The following TFEB variants were observed in gnomAD, a reference collection of about 807,000 sequenced individuals.
The protein encoded by TFEB is transcription factor EB.
Under a neutral mutation model 48.0 loss-of-function variants are expected in TFEB, and 12 were observed. The ratio of observed to expected loss-of-function variants is 0.25; its 90% CI spans 0.16 to 0.40. The LOEUF (loss-of-function observed/expected upper bound fraction) is 0.40. Ranked by LOEUF, TFEB falls within the 10% of genes least tolerant of loss-of-function variation. The pLI is 1.00. For missense variants in TFEB, 509 were observed against 640.3 expected, an observed-to-expected ratio of 0.79 and a Z score of 2.21; for synonymous variants, 244 against 261.4, an observed-to-expected ratio of 0.93 and a Z score of 0.64.
Position 41,723,451 on chromosome 6 carries a change from G to A in TFEB, c.-23+11899C>T, listed in dbSNP as rs1581931025. ...CACACTCACACACATGCACGCGTGT[G>A]CTCTCATACCTTCGAGAGGGCAGCC... On this transcript the variant is annotated intron_variant, in intron 1 of 8. Transcript: ENST00000373033. The surrounding 1 kb of genome is among the most constrained non-coding windows in gnomAD (Gnocchi z 6.0). 2 of 1,269,500 alleles carry A rather than the reference G, an allele frequency of 1.6e-6. No homozygotes were observed. The highest frequency in any genetic ancestry group is 5.6e-5 in the East Asian group (1 of 17,960). 78.6% of individuals were successfully genotyped at this position (1,269,500 alleles called of 1,614,324 possible).
Position 41,684,501 on chromosome 6 carries a change from C to T in TFEB, c.*98G>A, listed in dbSNP as rs1768880655. 2.1e-6 allele frequency: 3 copies of T among 1,415,114 alleles called. No homozygotes were observed. The highest frequency in any genetic ancestry group is 5.7e-5 in the Admixed American group (2 of 35,078). 87.7% of individuals were successfully genotyped at this position (1,415,114 alleles called of 1,614,324 possible). A position where few individuals can be genotyped will look rare whatever the true frequency, so the allele number is the denominator to read the frequency against. On this transcript the variant is annotated 3_prime_UTR_variant, in exon 9 of 9. Coordinates refer to ENST00000373033, the MANE Select transcript of TFEB (RefSeq NM_001271944.2). Reference sequence around the variant, plus strand: ...AGGAGGGAGGCAGGGCAGGTGGCTACTTCACACACAGTGCAGCCTGAAGGG... The same window carrying T: ...AGGAGGGAGGCAGGGCAGGTGGCTATTTCACACACAGTGCAGCCTGAAGGG...
chr6:41,726,016 G>A (rs1771192444), intron 1 of TFEB, among the ~76,000 whole-genome samples: 1 of 152,364 alleles, frequency 6.6e-6, no homozygotes, highest in South Asian at 2.1e-4. Flanking sequence ...GGCCGAGGTA[G>A]GAGAATCGCT....
chr6:41,699,345 T>C (rs1053164465), intron 1 of TFEB, among the ~76,000 whole-genome samples: 1 of 152,192 alleles, frequency 6.6e-6, no homozygotes, highest in African/African-American at 2.4e-5. Context: ...AAGTGTCCCA[T>C]CCATTCACCC....
intron 1 of TFEB, among the ~76,000 whole-genome samples, chr6:41,714,382 T>C (rs930856934): frequency 1.7e-4 from 26 of 152,196 alleles, no homozygotes; most frequent in African/African-American, 6.0e-4. Flanking sequence ...ATTGGGGAAG[T>C]GTCTTTGTTC....
chr6:41,726,130 G>T (rs1223374781), intron 1 of TFEB, among the ~76,000 whole-genome samples: 1 of 152,046 alleles, frequency 6.6e-6, no homozygotes, highest in East Asian at 1.9e-4. Context: ...ATAATAAAAA[G>T]AAAAGAAAGA....
chr6:41,714,132 C>CGT (rs1770611035), intron 1 of TFEB, among the ~76,000 whole-genome samples: 1 of 118,718 alleles, frequency 8.4e-6, no homozygotes, highest in Admixed American at 8.2e-5. Context: ...TGTGCGTGTG[C>CGT]ATGTGTGCGT....
chr6:41,695,996 G>A (rs1769560023), intron 1 of TFEB, among the ~76,000 whole-genome samples: 1 of 152,208 alleles, frequency 6.6e-6, no homozygotes, highest in Non-Finnish European at 1.5e-5. Context: ...CCCTGGGTGA[G>A]GACACCGAGT....
intron 1 of TFEB, among the ~76,000 whole-genome samples, chr6:41,719,389 A>G (rs1188630511): frequency 6.6e-6 from 1 of 152,252 alleles, no homozygotes; most frequent in Non-Finnish European, 1.5e-5. Flanking sequence ...CCATCCATCC[A>G]TGGAAAAACT....
rs1771144032 is a variant in TFEB at position 41,724,989 on chromosome 6, C to A, written c.-23+10361G>T. Among the ~76,000 whole-genome samples, 1 of 152,222 alleles carries A rather than the reference C, an allele frequency of 6.6e-6. No homozygotes were observed. The highest frequency in any genetic ancestry group is 1.5e-5 in the Non-Finnish European group (1 of 68,030). On this transcript the variant is annotated intron_variant, in intron 1 of 8. Coordinates refer to ENST00000373033, the MANE Select transcript of TFEB (RefSeq NM_001271944.2). The surrounding 1 kb of genome is among the most constrained non-coding windows in gnomAD (Gnocchi z 4.4). ...CCACAAGGCCCCTTTGCAGGGACGC[C>A]TCCCCCAAAATGCCTGCACATTCAC...
At position 41,735,106 on chromosome 6, in the gene TFEB, C is replaced by G. The variant is rs1285512352; in HGVS notation, c.-23+244G>C. 2.1e-5 allele frequency: 21 copies of G among 983,880 alleles called. No individual in the cohort carries two copies. The South Asian group carries it at 8.0e-4, about 37-fold the overall frequency. 60.9% of individuals were successfully genotyped at this position (983,880 alleles called of 1,614,324 possible). A position where few individuals can be genotyped will look rare whatever the true frequency, so the allele number is the denominator to read the frequency against. On this transcript the variant is annotated intron_variant, in intron 1 of 8. Transcript: ENST00000373033. Reference sequence around the variant, plus strand: ...GGTCGCGGAGAAGCCGCCCCCGGCCCGCGCCTGAAGGGAGGGGCCGAGGGG... The same window carrying G: ...GGTCGCGGAGAAGCCGCCCCCGGCCGGCGCCTGAAGGGAGGGGCCGAGGGG...
chr6:41,704,093 C>T (rs535776230), intron 1 of TFEB, among the ~76,000 whole-genome samples: 1 of 152,280 alleles, frequency 6.6e-6, no homozygotes, highest in South Asian at 2.1e-4. Context: ...CTCTTGTTTC[C>T]TCTAGAACTA....
chr6:41,684,187 G>A lies in TFEB; in HGVS notation c.*412C>T, dbSNP rs1396098338. On this transcript the variant is annotated 3_prime_UTR_variant, in exon 9 of 9. Coordinates refer to ENST00000373033, the MANE Select transcript of TFEB (RefSeq NM_001271944.2). ...CTGCCATCTGAGTCCCAAAAAGGCA[G>A]GCCTGAGCACCCCCAGGACCAGTTG... The A allele has an allele frequency of 1.3e-5, 3 of 236,974 alleles. No individual in the cohort carries two copies. Among genetic ancestry groups the A allele is most frequent in the African/African-American group, 4.4e-5 (2 of 45,578 alleles). The allele number at this position is 236,974 out of a possible 1,614,324, so 14.7% of individuals were successfully genotyped here.
chr6:41,712,834 C>T (rs1266142853), intron 1 of TFEB, among the ~76,000 whole-genome samples: 1 of 152,122 alleles, frequency 6.6e-6, no homozygotes, highest in Non-Finnish European at 1.5e-5. Context: ...TGGAGAAAGC[C>T]TCCCCACCCC....
chr6:41,733,013 G>GTT, intron 1 of TFEB: 1 of 985,542 alleles, frequency 1.0e-6, no homozygotes, highest in Non-Finnish European at 1.2e-6. Context: ...CCAGGGGGTG[G>GTT]CTGGGCTACT....
At chr6:41,706,092 G>T (rs567293297) in intron 1 of TFEB, among the ~76,000 whole-genome samples, 1 of 152,182 alleles carries the variant, frequency 6.6e-6, no homozygotes, top group Non-Finnish European at 1.5e-5. Flanking sequence ...ACCCCAGAGC[G>T]CAGGTCCCCA....
At chr6:41,690,969 C>T in intron 2 of TFEB, 32 bp downstream of exon 2, 1 of 1,564,188 alleles carries the variant, frequency 6.4e-7, no homozygotes, top group Non-Finnish European at 8.7e-7. Flanking sequence ...CTAGTGGGGA[C>T]AGGGTGGGGG....
Position 41,691,462 on chromosome 6 carries a change from C to G in TFEB, c.-22-227G>C. The G allele has an allele frequency of 1.4e-6, 1 of 707,504 alleles. No individual in the cohort carries two copies. Among genetic ancestry groups the G allele is most frequent in the Non-Finnish European group, 2.6e-6 (1 of 380,170 alleles). 43.8% of individuals were successfully genotyped at this position (707,504 alleles called of 1,614,324 possible). ...GGACCAAAACTGAAGGTTCTGTCTTCTTCACTCATTGCAGTTGGTAAATCC... is the reference window on the plus strand; with the variant it reads ...GGACCAAAACTGAAGGTTCTGTCTTGTTCACTCATTGCAGTTGGTAAATCC... On this transcript the variant is annotated intron_variant, in intron 1 of 8. Transcript: ENST00000373033. This position sits in a 1 kb window ranked among gnomAD's most constrained non-coding sequence, Gnocchi z 5.2.
rs1451004876 is a variant in TFEB at position 41,735,330 on chromosome 6, C to T, written c.-23+20G>A. On this transcript the variant is annotated intron_variant, in intron 1 of 8. Transcript: ENST00000373033. ...GGTCCCGGGCCCTCCTCGTGCCTCT[C>T]GCTCCCCGGTCCCGCTCACCTCGCT... The T allele has an allele frequency of 4.1e-6, 4 of 984,856 alleles. No homozygotes were observed. Among genetic ancestry groups the T allele is most frequent in the African/African-American group, 3.5e-5 (2 of 57,158 alleles). 61.0% of individuals were successfully genotyped at this position (984,856 alleles called of 1,614,324 possible). A position where few individuals can be genotyped will look rare whatever the true frequency, so the allele number is the denominator to read the frequency against.
chr6:41,719,100 T>C (rs556573930), intron 1 of TFEB, among the ~76,000 whole-genome samples: 2 of 152,306 alleles, frequency 1.3e-5, no homozygotes, highest in African/African-American at 2.4e-5. Context: ...GCAGTGGCAC[T>C]GGATTCTTAT....
Sources: allele counts gnomAD v4.1 joint callset (sites outside exome capture counted in the v4.1 genomes callset), GRCh38; gene constraint gnomAD v4.1.1; non-coding constraint Gnocchi (gnomAD v3.1); transcripts MANE v1.5; gene names NCBI Gene and HGNC (gene_info 2026-07-23, HGNC 2026-07-21).